The following ZNF358 variants were observed in gnomAD, a reference collection of about 807,000 sequenced individuals.
The protein encoded by ZNF358 is zinc finger protein 358.
In ZNF358, 1 loss-of-function variant was observed where a neutral mutation model predicts 2.1. The ratio of observed to expected loss-of-function variants is 0.49; its 90% confidence interval spans 0.17 to 2.30. The LOEUF (loss-of-function observed/expected upper bound fraction) is 2.30, where lower values mean the gene tolerates loss of function less well. ZNF358 is among the 30% of genes most tolerant of loss of function. The pLI is 0.26. For synonymous variants in ZNF358, 381 were observed against 359.7 expected (o/e 1.06, Z -0.67); for missense variants, 665 against 806.8 (o/e 0.82, Z 2.13).
chr19:7,518,892 C>T (rs1355130715), intron 1 of ZNF358, among the ~76,000 whole-genome samples: 1 of 151,930 alleles, frequency 6.6e-6, no homozygotes, highest in Non-Finnish European at 1.5e-5. Context: ...TGCTGAAATC[C>T]CATCTCTACT....
rs1018193838 is a variant in ZNF358 at position 7,519,812 on chromosome 19, C to T, written c.570C>T (p.His190=). 4 of 1,526,354 alleles carry T rather than the reference C, an allele frequency of 2.6e-6. No individual in the cohort carries two copies. Among genetic ancestry groups the T allele is most frequent in the Admixed American group, 2.0e-5 (1 of 49,416 alleles). The allele number at this position is 1,526,354 out of a possible 1,614,324, so 94.6% of individuals were successfully genotyped here. Residue 190 remains histidine, a synonymous_variant, in exon 2 of 2, where the codon CAC becomes CAT. Transcript: ENST00000597229. ...RCPDCGKSFS[H]GATLAQHRGI... is the part of the protein sequence containing the mutation. ...CCGACTGCGGGAAGTCCTTCAGCCA[C>T]GGTGCCACCCTGGCTCAGCACCGTG...
In ZNF358 at chr19:7,516,851, T is replaced by C. The variant is rs2022350302; in HGVS notation, c.-39+602T>C. ...GTGATTTCTCCTCCCACCTTCCAGT[T>C]AAGAGATGGGAATTCAGGGGGCTCC... On this transcript the variant is annotated intron_variant, in intron 1 of 1. Transcript: ENST00000597229. This position sits in a 1 kb window ranked among gnomAD's most constrained non-coding sequence, Gnocchi z 5.9. Among the ~76,000 whole-genome samples the C allele has an allele frequency of 6.6e-6, 1 of 152,002 alleles. No homozygotes were observed. Among genetic ancestry groups the C allele is most frequent in the Non-Finnish European group, 1.5e-5 (1 of 67,960 alleles).
In ZNF358 at chr19:7,520,445, C is replaced by A; in HGVS notation, c.1203C>A (p.Ala401=). The A allele has an allele frequency of 6.8e-7, 1 of 1,461,268 alleles. No individual in the cohort carries two copies. Among genetic ancestry groups the A allele is most frequent in the Admixed American group, 2.0e-5 (1 of 48,978 alleles). The allele number at this position is 1,461,268 out of a possible 1,614,324, so 90.5% of individuals were successfully genotyped here. A position where few individuals can be genotyped will look rare whatever the true frequency, so the allele number is the denominator to read the frequency against. Reference sequence around the variant, plus strand: ...ACAAACGGGTGCATGAGGGTGCAGCCGCTGCTGCAGCTGCCGCGGCCGCTG... The same window carrying A: ...ACAAACGGGTGCATGAGGGTGCAGCAGCTGCTGCAGCTGCCGCGGCCGCTG... ...TKHKRVHEGA[A]AAAAAAAAAA... The change falls in exon 2 of 2, where the codon GCC becomes GCA. Residue 401 remains alanine (A), a synonymous_variant. Transcript: ENST00000597229. The surrounding 1 kb of genome is among the most constrained non-coding windows in gnomAD (Gnocchi z 6.0).
At position 7,519,250 on chromosome 19, in the gene ZNF358, G is replaced by A. The variant is rs1392603082; in HGVS notation, c.8G>A (p.Arg3His). The A allele has an allele frequency of 1.2e-6, 2 of 1,613,182 alleles. No individual in the cohort carries two copies. Among genetic ancestry groups the A allele is most frequent in the Non-Finnish European group, 8.5e-7 (1 of 1,179,708 alleles). The change falls in exon 2 of 2, where the codon CGC becomes CAC. Residue 3 changes from arginine to histidine, a missense_variant. Physicochemically the swap from Arg to His is conservative, Grantham distance 29. Around this residue, in one of 3 missense-constraint regions of ZNF358, gnomAD observed 206 missense variants for 228.4 expected, o/e 0.90. Transcript: ENST00000597229. MR[R>H]SVLVRNPGHK... Reference sequence around the variant, plus strand: ...GGCACATCCACGCCTGAAATGCGGCGCTCAGTCCTGGTCAGGAACCCAGGC... The same window carrying A: ...GGCACATCCACGCCTGAAATGCGGCACTCAGTCCTGGTCAGGAACCCAGGC...
upstream of ZNF358, among the ~76,000 whole-genome samples, chr19:7,515,744 A>C (rs2146006322): frequency 6.6e-6 from 1 of 152,296 alleles, no homozygotes; most frequent in African/African-American, 2.4e-5. Context: ...ACACAGAGAA[A>C]GAGATGGGGA....
Position 7,520,673 on chromosome 19 carries a change from A to G in ZNF358, c.1431A>G (p.Lys477=), listed in dbSNP as rs756816223. 6.2e-7 allele frequency: 1 copy of G among 1,610,126 alleles called. No homozygotes were observed. The highest frequency in any genetic ancestry group is 1.3e-5 in the African/African-American group (1 of 74,606). Residue 477 remains lysine, a synonymous_variant, in exon 2 of 2, where the codon AAA becomes AAG. Transcript: ENST00000597229. This position sits in a 1 kb window ranked among gnomAD's most constrained non-coding sequence, Gnocchi z 6.0. ...GPGTLPDPSS[K]PLPGSRSTPS... ...GCACTCTGCCGGATCCCAGCTCCAA[A>G]CCCCTCCCCGGCTCCAGATCCACCC...
chr19:7,519,948 C>G lies in ZNF358; in HGVS notation c.706C>G (p.His236Asp), dbSNP rs779329851. ...CAGCCACAGCGGGGAGAAGCCGCAC[C>G]ACTGCCCGGTGTGTGGCAAGGCCTT... Reference protein sequence around the residue: ...RSSHSGEKPHHCPVCGKAFGH... With the variant: ...RSSHSGEKPHDCPVCGKAFGH... The change falls in exon 2 of 2, where the codon CAC becomes GAC. Residue 236 changes from histidine to aspartate, a missense_variant. Around this residue, in one of 3 missense-constraint regions of ZNF358, gnomAD observed 210 missense variants for 350.8 expected, o/e 0.60. Coordinates refer to ENST00000597229, the MANE Select transcript of ZNF358 (RefSeq NM_018083.5). 10 of 1,522,956 alleles carry G rather than the reference C, an allele frequency of 6.6e-6. No homozygotes were observed. The highest frequency in any genetic ancestry group is 1.4e-5 in the African/African-American group (1 of 72,354). 94.3% of individuals were successfully genotyped at this position (1,522,956 alleles called of 1,614,324 possible). A position where few individuals can be genotyped will look rare whatever the true frequency, so the allele number is the denominator to read the frequency against.
Position 7,516,562 on chromosome 19 carries a change from C to T in ZNF358, c.-39+313C>T, listed in dbSNP as rs1368697145. On this transcript the variant is annotated intron_variant, in intron 1 of 1. Transcript: ENST00000597229. The surrounding 1 kb of genome is among the most constrained non-coding windows in gnomAD (Gnocchi z 5.9). ...TGGGGTCTGGAGCTCAGGACGCCCC[C>T]TCCCTAGGAGGCGATCCAGGACCCC... Among the ~76,000 whole-genome samples, 1 of 151,916 alleles carries T rather than the reference C, an allele frequency of 6.6e-6. No individual in the cohort carries two copies. The highest frequency in any genetic ancestry group is 1.5e-5 in the Non-Finnish European group (1 of 67,870).
intron 1 of ZNF358, among the ~76,000 whole-genome samples, chr19:7,518,557 G>GAGAGAAAGAAAGAAAGAAAAAGAAAGAA (rs556101041): frequency 1.4e-3 from 163 of 116,166 alleles, no homozygotes; most frequent in Admixed American, 4.3e-3. Context: ...GAGAGAGAGA[G>GAGAGAAAGAAAGAAAGAAAAAGAAAGAA]AGAAAGAAAG....
chr19:7,519,128 C>T, intron 1 of ZNF358, 77 bp from the exon 2 acceptor site: 1 of 1,486,402 alleles, frequency 6.7e-7, no homozygotes, highest in Non-Finnish European at 8.9e-7. Context: ...CGTCTCTCAT[C>T]CCTAACCAGA....
Position 7,520,878 on chromosome 19 carries a change from C to G in ZNF358, c.1636C>G (p.Pro546Ala), listed in dbSNP as rs2022477455. The G allele has an allele frequency of 6.2e-7, 1 of 1,613,996 alleles. No homozygotes were observed. Among genetic ancestry groups the G allele is most frequent in the Non-Finnish European group, 8.5e-7 (1 of 1,180,036 alleles). The change falls in exon 2 of 2, where the codon CCA becomes GCA. Residue 546 changes from proline (P) to alanine (A), a missense_variant. Transcript: ENST00000597229. The surrounding 1 kb of genome is among the most constrained non-coding windows in gnomAD (Gnocchi z 6.0). ...PCSPTRGTVS[P>A]ALPTGESPEW... is the part of the protein sequence containing the mutation. ...TTCTCCCACTCGTGGCACTGTCAGC[C>G]CAGCCCTCCCTACCGGCGAGAGTCC...
rs533797395 is a variant in ZNF358 at position 7,520,457 on chromosome 19, T to A, written c.1215T>A (p.Ala405=). 4.4e-6 allele frequency: 4 copies of A among 900,474 alleles called. No individual in the cohort carries two copies. In the Admixed American group the frequency reaches 1.4e-4, roughly 31 times the overall value. 55.8% of individuals were successfully genotyped at this position (900,474 alleles called of 1,614,324 possible). A position where few individuals can be genotyped will look rare whatever the true frequency, so the allele number is the denominator to read the frequency against. ...ATGAGGGTGCAGCCGCTGCTGCAGC[T>A]GCCGCGGCCGCTGCAGCTGCAGCAG... ...RVHEGAAAAA[A]AAAAAAAAAA... is the part of the protein sequence containing the mutation. The change falls in exon 2 of 2, where the codon GCT becomes GCA. Residue 405 remains alanine, a synonymous_variant. Coordinates refer to ENST00000597229, the MANE Select transcript of ZNF358 (RefSeq NM_018083.5). The surrounding 1 kb of genome is among the most constrained non-coding windows in gnomAD (Gnocchi z 6.0).
Position 7,519,198 on chromosome 19 carries a change from C to T in ZNF358, c.-38-7C>T, listed in dbSNP as rs778744101. The T allele has an allele frequency of 6.3e-7, 1 of 1,589,916 alleles. No individual in the cohort carries two copies. The highest frequency in any genetic ancestry group is 8.6e-7 in the Non-Finnish European group (1 of 1,169,068). ...CTACCCTCTACCCTCTATCCTTGCC[C>T]TTGCAGGTCTTGCCCCAGAAGCTGC... On this transcript the variant is annotated splice_region_variant and splice_polypyrimidine_tract_variant and intron_variant, in intron 1 of 1. Transcript: ENST00000597229.
chr19:7,520,744 A>G lies in ZNF358; in HGVS notation c.1502A>G (p.Asp501Gly). 1 of 1,613,872 alleles carries G rather than the reference A, an allele frequency of 6.2e-7. No homozygotes were observed. The highest frequency in any genetic ancestry group is 8.5e-7 in the Non-Finnish European group (1 of 1,179,984). The change falls in exon 2 of 2, where the codon GAC (aspartate) becomes GGC (glycine). Residue 501 changes from aspartate (D) to glycine (G), a missense_variant. Physicochemically the swap from Asp to Gly is moderately conservative, Grantham distance 94. Around this residue, in one of 3 missense-constraint regions of ZNF358, gnomAD observed 249 missense variants for 227.6 expected, o/e 1.09. Coordinates refer to ENST00000597229, the MANE Select transcript of ZNF358 (RefSeq NM_018083.5). This position sits in a 1 kb window ranked among gnomAD's most constrained non-coding sequence, Gnocchi z 6.0. ...VESSDPKAGH[D>G]AGPDLVPSPD... ...TCTTCTGACCCAAAGGCTGGGCACG[A>G]CGCTGGTCCCGACCTTGTGCCCAGC...
chr19:7,514,891 A>G (rs1317786886), upstream of ZNF358, among the ~76,000 whole-genome samples: 1 of 152,140 alleles, frequency 6.6e-6, no homozygotes, highest in African/African-American at 2.4e-5. Context: ...TTGGCCTCCC[A>G]AAGTGCTGGG....
Position 7,520,582 on chromosome 19 carries a change from G to A in ZNF358, c.1340G>A (p.Gly447Asp). ...GGTCCTGATGCTGTTTCTGTGCTCGGCTCTGGCTTGGGCCTCAGCCCTGGC... is the reference window on the plus strand; with the variant it reads ...GGTCCTGATGCTGTTTCTGTGCTCGACTCTGGCTTGGGCCTCAGCCCTGGC... ...LLGPDAVSVL[G>D]SGLGLSPGTS... is the part of the protein sequence containing the mutation. The change falls in exon 2 of 2, where the codon GGC (glycine) becomes GAC (aspartate). Residue 447 changes from glycine to aspartate, a missense_variant. Physicochemically the swap from Gly to Asp is moderately conservative, Grantham distance 94. Transcript: ENST00000597229. The surrounding 1 kb of genome is among the most constrained non-coding windows in gnomAD (Gnocchi z 6.0). 1 of 1,340,980 alleles carries A rather than the reference G, an allele frequency of 7.5e-7. No homozygotes were observed. The highest frequency in any genetic ancestry group is 1.0e-6 in the Non-Finnish European group (1 of 955,080). 83.1% of individuals were successfully genotyped at this position (1,340,980 alleles called of 1,614,324 possible). A position where few individuals can be genotyped will look rare whatever the true frequency, so the allele number is the denominator to read the frequency against.
In ZNF358 at chr19:7,516,517, T is replaced by C. The variant is rs1007502004; in HGVS notation, c.-39+268T>C. Among the ~76,000 whole-genome samples the C allele has an allele frequency of 8.3e-5, 12 of 145,338 alleles. No individual in the cohort carries two copies. Among genetic ancestry groups the C allele is most frequent in the African/African-American group, 3.1e-4 (12 of 39,150 alleles). ...GTTGGGAGCCTTCAATCGGGCGGGGTGGGGGGCGCCCGCCAGCTCTGGGGT... is the reference window on the plus strand; with the variant it reads ...GTTGGGAGCCTTCAATCGGGCGGGGCGGGGGGCGCCCGCCAGCTCTGGGGT... On this transcript the variant is annotated intron_variant, in intron 1 of 1. Coordinates refer to ENST00000597229, the MANE Select transcript of ZNF358 (RefSeq NM_018083.5). This position sits in a 1 kb window ranked among gnomAD's most constrained non-coding sequence, Gnocchi z 5.9.
rs928972502 is a variant in ZNF358 at position 7,519,481 on chromosome 19, C to T, written c.239C>T (p.Ser80Leu). ...GACCCCGACGCCGAAGCTCCGGGCT[C>T]GGAACCCCAAGATCCCGACCCCATG... Reference protein sequence around the residue: ...DLDPDAEAPGSEPQDPDPMSS... With the variant: ...DLDPDAEAPGLEPQDPDPMSS... The change falls in exon 2 of 2, where the codon TCG (serine) becomes TTG (leucine). Residue 80 changes from serine (S) to leucine (L), a missense_variant. Physicochemically the swap from Ser to Leu is moderately radical, Grantham distance 145. Around this residue, in one of 3 missense-constraint regions of ZNF358, gnomAD observed 206 missense variants for 228.4 expected, o/e 0.90. Coordinates refer to ENST00000597229, the MANE Select transcript of ZNF358 (RefSeq NM_018083.5). 2 of 1,613,280 alleles carry T rather than the reference C, an allele frequency of 1.2e-6. No homozygotes were observed. Among genetic ancestry groups the T allele is most frequent in the Middle Eastern group, 1.6e-4 (1 of 6,082 alleles).
In ZNF358 at chr19:7,520,543, A is replaced by T; in HGVS notation, c.1301A>T (p.Gln434Leu). 1 of 1,249,552 alleles carries T rather than the reference A, an allele frequency of 8.0e-7. No homozygotes were observed. 77.4% of individuals were successfully genotyped at this position (1,249,552 alleles called of 1,614,324 possible). The stretch of plus-strand genomic sequence containing the variant: ...CCTGCATCCATGATGAGGCCGGGGC[A>T]GGTCTCCCTCCTGGGTCCTGATGCT... ...LSPASMMRPGQVSLLGPDAVS... is the reference protein window; with the variant it reads ...LSPASMMRPGLVSLLGPDAVS... The change falls in exon 2 of 2, where the codon CAG becomes CTG. Residue 434 changes from glutamine (Q) to leucine (L), a missense_variant. Gln to Leu is a moderately radical substitution (Grantham distance 113, BLOSUM62 -2). Transcript: ENST00000597229. This position sits in a 1 kb window ranked among gnomAD's most constrained non-coding sequence, Gnocchi z 6.0.
Sources: allele counts gnomAD v4.1 joint callset (sites outside exome capture counted in the v4.1 genomes callset), GRCh38; gene constraint gnomAD v4.1.1; regional missense constraint gnomAD v4.1.1; non-coding constraint Gnocchi (gnomAD v3.1); transcripts MANE v1.5; gene names NCBI Gene and HGNC (gene_info 2026-07-23, HGNC 2026-07-21).